The following SMAD3 variants were observed in gnomAD, a reference collection of about 807,000 sequenced individuals.
The protein encoded by SMAD3 is MAD homolog 3.
SMAD3 carries 12 observed loss-of-function variants against 51.8 expected under a neutral mutation model. The ratio of observed to expected loss-of-function variants is 0.23; its 90% CI spans 0.15 to 0.38. SMAD3 has a LOEUF of 0.38. SMAD3 is among the 10% of genes least tolerant of loss of function. The probability of loss-of-function intolerance (pLI) is 1.00; values close to 1 mark genes in which losing one functional copy is unlikely to be tolerated. For synonymous variants in SMAD3, 238 were observed against 227.7 expected, an observed-to-expected ratio of 1.05 and a Z score of -0.41; for missense variants, 294 against 565.6, an observed-to-expected ratio of 0.52 and a Z score of 4.87.
chr15:67,079,940 G>C (rs1411504531), intron 1 of SMAD3, among the ~76,000 whole-genome samples: 3 of 151,234 alleles, frequency 2.0e-5, no homozygotes, highest in Admixed American at 6.6e-5. Context: ...GCTGGAGCTG[G>C]ATTTGCCACT....
At chr15:67,150,428 C>A (rs1370650406) in intron 1 of SMAD3, among the ~76,000 whole-genome samples, 1 of 152,192 alleles carries the variant, frequency 6.6e-6, no homozygotes, top group Non-Finnish European at 1.5e-5. Flanking sequence ...TTATCATCGC[C>A]TGGTTCCACT....
chr15:67,077,789 G>A (rs1960202570), intron 1 of SMAD3, among the ~76,000 whole-genome samples: 1 of 152,204 alleles, frequency 6.6e-6, no homozygotes, highest in African/African-American at 2.4e-5. Flanking sequence ...TGACATCTAG[G>A]GAAGGCAAGA....
At chr15:67,110,659 G>T (rs1336774121) in intron 1 of SMAD3, among the ~76,000 whole-genome samples, 3 of 152,240 alleles carry the variant, frequency 2.0e-5, no homozygotes, top group Admixed American at 2.0e-4. Flanking sequence ...TACCCTGGTT[G>T]CAAAGTGGGC....
Position 67,184,883 on chromosome 15 carries a change from C to T in SMAD3, c.1009+19C>T, listed in dbSNP as rs1292807685. 1 of 1,612,294 alleles carries T rather than the reference C, an allele frequency of 6.2e-7. No individual in the cohort carries two copies. The highest frequency in any genetic ancestry group is 1.1e-5 in the South Asian group (1 of 91,006). On this transcript the variant is annotated intron_variant, in intron 7 of 8. Transcript: ENST00000327367. ...CCACCAGGTAAACGAGCCGCACAGG[C>T]ACCCCTGCCTTGAGGTCCCTCTCCG...
chr15:67,125,448 C>T (rs1961361793), intron 1 of SMAD3, among the ~76,000 whole-genome samples: 1 of 152,210 alleles, frequency 6.6e-6, no homozygotes, highest in Non-Finnish European at 1.5e-5. Flanking sequence ...CTCATTGTTA[C>T]TGGCTGAGCC....
At chr15:67,164,848 G>A in intron 1 of SMAD3, 47 bp from the exon 2 acceptor site, 1 of 1,598,522 alleles carries the variant, frequency 6.3e-7, no homozygotes, top group Non-Finnish European at 8.6e-7. Flanking sequence ...CAGAAAGCAA[G>A]CACAATCCAC....
chr15:67,185,308 C>A (rs1963194931), intron 7 of SMAD3, among the ~76,000 whole-genome samples: 1 of 152,174 alleles, frequency 6.6e-6, no homozygotes, highest in African/African-American at 2.4e-5. Context: ...TGCCAAGCAC[C>A]AAGCCAGCAG....
At position 67,072,980 on chromosome 15, in the gene SMAD3, C is replaced by T. The variant is rs180833769; in HGVS notation, c.206+6620C>T. ...GTGCTAATTTCTGTGCCAGATAATG[C>T]GGACAAAATAGTGAATAAGGCAGAT... On this transcript the variant is annotated intron_variant, in intron 1 of 8. Coordinates refer to ENST00000327367, the MANE Select transcript of SMAD3 (RefSeq NM_005902.4). Among the ~76,000 whole-genome samples, 9 of 152,312 alleles carry T rather than the reference C, an allele frequency of 5.9e-5. 1 individual carries two copies. The highest frequency in any genetic ancestry group is 4.6e-4 in the Admixed American group (7 of 15,296).
intron 7 of SMAD3, among the ~76,000 whole-genome samples, chr15:67,185,788 C>T (rs1963209680): frequency 6.6e-6 from 1 of 152,238 alleles, no homozygotes; most frequent in African/African-American, 2.4e-5. Context: ...CCAAAGTCCA[C>T]TTTTCACAGG....
At chr15:67,176,741 C>T (rs1015297168) in intron 5 of SMAD3, among the ~76,000 whole-genome samples, 1 of 152,180 alleles carries the variant, frequency 6.6e-6, no homozygotes, top group Non-Finnish European at 1.5e-5. Flanking sequence ...GATTAAGTGC[C>T]CTATGGCACT....
chr15:67,141,557 CAGAG>C (rs1418823821), intron 1 of SMAD3, among the ~76,000 whole-genome samples: 1 of 152,146 alleles, frequency 6.6e-6, no homozygotes, highest in African/African-American at 2.4e-5. Context: ...GAAGCTAGAG[CAGAG>C]AGAGTCCAGC....
At chr15:67,115,251 CTT>C (rs11287770) in intron 1 of SMAD3, among the ~76,000 whole-genome samples, 4 of 149,916 alleles carry the variant, frequency 2.7e-5, no homozygotes, top group East Asian at 2.0e-4. Context: ...GTAGGAAAGT[CTT>C]TTTTTTTTTC....
chr15:67,133,711 C>G (rs67614233), intron 1 of SMAD3, among the ~76,000 whole-genome samples: 1 of 151,946 alleles, frequency 6.6e-6, no homozygotes, highest in Non-Finnish European at 1.5e-5. Flanking sequence ...CACTCAAGGC[C>G]GTGGTTTGGG....
chr15:67,085,874 A>G (rs1338351750), intron 1 of SMAD3, among the ~76,000 whole-genome samples: 2 of 100,522 alleles, frequency 2.0e-5, no homozygotes, highest in African/African-American at 3.5e-5. Context: ...GCGTGCACAC[A>G]CACACACACA....
intron 1 of SMAD3, among the ~76,000 whole-genome samples, chr15:67,095,420 C>A (rs916657459): frequency 1.3e-5 from 2 of 152,150 alleles, no homozygotes; most frequent in African/African-American, 4.8e-5. Flanking sequence ...GTGTCTTGAG[C>A]CTGTCCTTAC....
At chr15:67,186,050 C>T (rs1047521418) in intron 7 of SMAD3, among the ~76,000 whole-genome samples, 2 of 152,244 alleles carry the variant, frequency 1.3e-5, no homozygotes, top group Non-Finnish European at 2.9e-5. Flanking sequence ...ACATTCCGAT[C>T]GTTGACCTCA....
At position 67,170,521 on chromosome 15, in the gene SMAD3, T is replaced by C. The variant is rs770756525; in HGVS notation, c.608-33T>C. On this transcript the variant is annotated intron_variant, in intron 4 of 8. Transcript: ENST00000327367. ...CTTGGCTCTCCAGGCCAAGAATCTT[T>C]TGTGAAGTCTCACAACTTGTCTCAC... 10 of 1,599,486 alleles carry C rather than the reference T, an allele frequency of 6.3e-6. No individual in the cohort carries two copies. In the Admixed American group the frequency reaches 6.7e-5, roughly 11 times the overall value.
intron 5 of SMAD3, among the ~76,000 whole-genome samples, chr15:67,171,634 A>T (rs181839043): frequency 1.5e-3 from 234 of 152,306 alleles, no homozygotes; most frequent in African/African-American, 5.3e-3. Context: ...TTGCTTCCAG[A>T]CCTTGACTGA....
At position 67,125,146 on chromosome 15, in the gene SMAD3, C is replaced by T. The variant is rs191784603; in HGVS notation, c.207-39749C>T. On this transcript the variant is annotated intron_variant, in intron 1 of 8. Coordinates refer to ENST00000327367, the MANE Select transcript of SMAD3 (RefSeq NM_005902.4). ...AGGCCCTGGTGGCTGGGTGCATCCC[C>T]GTATGCCATCCAGGCCCACCCACTG... is the stretch of plus-strand genomic sequence containing the variant. 2.4e-3 allele frequency among the ~76,000 whole-genome samples: 371 copies of T among 152,288 alleles called. 2 individuals are homozygous for T. Among genetic ancestry groups the T allele is most frequent in the African/African-American group, 8.2e-3 (339 of 41,556 alleles).
Sources: allele counts gnomAD v4.1 joint callset (sites outside exome capture counted in the v4.1 genomes callset), GRCh38; gene constraint gnomAD v4.1.1; transcripts MANE v1.5; gene names NCBI Gene and HGNC (gene_info 2026-07-23, HGNC 2026-07-21).